Variants in CEP72 observed in about 807,000 individuals in gnomAD.
The protein encoded by CEP72 is centrosomal protein 72, also known as centrosomal protein of 72 kDa.
In CEP72, 78 loss-of-function variants were observed where a neutral mutation model predicts 65.7. That is an observed-to-expected ratio of 1.19 (90% CI 0.99 to 1.43). The LOEUF is 1.43. CEP72 is among the 40% of genes most tolerant of loss of function. The probability of loss-of-function intolerance (pLI) is 0.00; values close to 1 mark genes in which losing one functional copy is unlikely to be tolerated. For synonymous variants in CEP72, 358 were observed against 351.7 expected (o/e 1.02, Z -0.20); for missense variants, 914 against 832.9 (o/e 1.10, Z -1.20).
At chr5:644,055 A>T in intron 9 of CEP72, 1 of 449,242 alleles carries the variant, frequency 2.2e-6, no homozygotes, top group Non-Finnish European at 4.0e-6. Context: ...GGGCTCTCAC[A>T]GGACTGGGGC....
downstream of CEP72, among the ~76,000 whole-genome samples, chr5:658,199 C>T (rs933250177): frequency 6.6e-6 from 1 of 152,268 alleles, no homozygotes; most frequent in African/African-American, 2.4e-5. Flanking sequence ...AGCCACCATG[C>T]TGTCAGGCTG....
At chr5:615,799 A>C (rs1248336342) in intron 1 of CEP72, among the ~76,000 whole-genome samples, 3 of 151,564 alleles carry the variant, frequency 2.0e-5, no homozygotes, top group Admixed American at 2.0e-4. Flanking sequence ...TCTCATTTTG[A>C]TTTATCTGTT....
rs1436294006 is a variant in CEP72 at position 612,574 on chromosome 5, C to A, written c.82+131C>A. ...AGGCGCCGCGGGCGTCCGGAACGGT[C>A]GCGGGCGAGCGGGGCGCGCGTGTCC... is the stretch of plus-strand genomic sequence containing the variant. On this transcript the variant is annotated intron_variant, in intron 1 of 11. Coordinates refer to ENST00000264935, the MANE Select transcript of CEP72 (RefSeq NM_018140.4). 4 of 1,231,078 alleles carry A rather than the reference C, an allele frequency of 3.2e-6. No homozygotes were observed. In the South Asian group the frequency reaches 9.8e-5, roughly 30 times the overall value. 76.3% of individuals were successfully genotyped at this position (1,231,078 alleles called of 1,614,324 possible). A position where few individuals can be genotyped will look rare whatever the true frequency, so the allele number is the denominator to read the frequency against.
At chr5:666,629 C>T (rs1012241241) in intron 4 of CEP72, among the ~76,000 whole-genome samples, 3 of 151,408 alleles carry the variant, frequency 2.0e-5, no homozygotes, top group Admixed American at 6.6e-5. Flanking sequence ...CTCCAAAACC[C>T]GCCAGGCGGC....
At chr5:641,100 G>A (rs1163952576) in intron 9 of CEP72, 2 of 985,332 alleles carry the variant, frequency 2.0e-6, no homozygotes, top group East Asian at 1.1e-4. Flanking sequence ...GCTCAGCCAG[G>A]CTCCCTCCTT....
In CEP72 at chr5:645,208, C is replaced by T. The variant is rs1738333822; in HGVS notation, c.1666+783C>T. 6.6e-6 allele frequency among the ~76,000 whole-genome samples: 1 copy of T among 152,098 alleles called. No homozygotes were observed. Among genetic ancestry groups the T allele is most frequent in the Non-Finnish European group, 1.5e-5 (1 of 68,010 alleles). ...GATGTCTGTCCCAACCAGCGGTGGC[C>T]TTTGCGGCAGGGAGGCAGCTGTGGA... On this transcript the variant is annotated intron_variant, in intron 10 of 11. Coordinates refer to ENST00000264935, the MANE Select transcript of CEP72 (RefSeq NM_018140.4). This position sits in a 1 kb window ranked among gnomAD's most constrained non-coding sequence, Gnocchi z 4.0.
chr5:612,462 G>T lies in CEP72; in HGVS notation c.82+19G>T. 1 of 1,435,092 alleles carries T rather than the reference G, an allele frequency of 7.0e-7. No individual in the cohort carries two copies. The highest frequency in any genetic ancestry group is 9.1e-7 in the Non-Finnish European group (1 of 1,095,096). 88.9% of individuals were successfully genotyped at this position (1,435,092 alleles called of 1,614,324 possible). On this transcript the variant is annotated intron_variant, in intron 1 of 11. Coordinates refer to ENST00000264935, the MANE Select transcript of CEP72 (RefSeq NM_018140.4). ...GACCTGGGTGCGCCGGAGGGCGGGC[G>T]GGGGTGCAAGCGTGAGGTGGCGGGG...
rs1378991066 is a variant in CEP72, at chr5:641,438, C to T, written c.1539+834C>T. The T allele has an allele frequency of 9.1e-6, 9 of 985,346 alleles. No homozygotes were observed. In the South Asian group the frequency reaches 2.3e-4, roughly 26 times the overall value. The allele number at this position is 985,346 out of a possible 1,614,324, so 61.0% of individuals were successfully genotyped here. A position where few individuals can be genotyped will look rare whatever the true frequency, so the allele number is the denominator to read the frequency against. ...GGCCCGGGACGGCTTCGAAAACTGC[C>T]TCTGAACTTGTCTGACAAGTACATA... On this transcript the variant is annotated intron_variant, in intron 9 of 11. Coordinates refer to ENST00000264935, the MANE Select transcript of CEP72 (RefSeq NM_018140.4).
chr5:637,279 C>G (rs1328130142), intron 6 of CEP72, among the ~76,000 whole-genome samples: 1 of 152,230 alleles, frequency 6.6e-6, no homozygotes, highest in Admixed American at 6.5e-5. Context: ...TGCGTGTTAG[C>G]ACGTGTGCCC....
At chr5:663,284 C>A (rs147523972) in intron 1 of CEP72, 1 of 152,422 alleles carries the variant, frequency 6.6e-6, no homozygotes, top group African/African-American at 2.4e-5. Flanking sequence ...GCCTTTCACA[C>A]GCGGTCCAGC....
chr5:646,567 G>A (rs1738437785), intron 10 of CEP72, among the ~76,000 whole-genome samples: 1 of 152,136 alleles, frequency 6.6e-6, no homozygotes, highest in Admixed American at 6.5e-5. Flanking sequence ...CATCCTGGTT[G>A]ACCTTGACCC....
At chr5:646,705 T>C (rs150998358) in intron 10 of CEP72, among the ~76,000 whole-genome samples, 5 of 152,316 alleles carry the variant, frequency 3.3e-5, no homozygotes, top group African/African-American at 1.2e-4. Context: ...CTCACCCTCA[T>C]GGGAGGGGCA....
intron 6 of CEP72, among the ~76,000 whole-genome samples, chr5:636,756 G>T (rs1737626776): frequency 6.8e-6 from 1 of 147,810 alleles, no homozygotes; most frequent in South Asian, 2.1e-4. Context: ...GTTGCAATGA[G>T]CCTAGATGGC....
downstream of CEP72, chr5:661,718 G>A (rs915815115): frequency 1.3e-5 from 2 of 152,364 alleles, no homozygotes; most frequent in Non-Finnish European, 2.9e-5. Context: ...ATGCAATTAC[G>A]GATTCCACAG....
intron 11 of CEP72, among the ~76,000 whole-genome samples, chr5:649,236 T>A (rs1347934567): frequency 1.3e-5 from 1 of 78,688 alleles, no homozygotes; most frequent in Non-Finnish European, 2.4e-5. Flanking sequence ...GACTGTGAGG[T>A]GTGACTGTGA....
At position 633,806 on chromosome 5, in the gene CEP72, G is replaced by A; in HGVS notation, c.550G>A (p.Ala184Thr). 6.2e-7 allele frequency: 1 copy of A among 1,614,116 alleles called. No individual in the cohort carries two copies. The highest frequency in any genetic ancestry group is 8.5e-7 in the Non-Finnish European group (1 of 1,180,040). Reference protein sequence around the residue: ...HPRAKCTEALAKQSLVMDADD... With the variant: ...HPRAKCTEALTKQSLVMDADD... ...CAGAGCCAAGTGCACCGAGGCCTTG[G>A]CCAAGCAGAGCCTGGTCATGGATGC... The change falls in exon 5 of 12, where the codon GCC becomes ACC. Residue 184 changes from alanine (A) to threonine (T), a missense_variant. Transcript: ENST00000264935.
chr5:624,371 C>T lies in CEP72; in HGVS notation c.404-100C>T. 1.3e-6 allele frequency: 1 copy of T among 774,798 alleles called. No individual in the cohort carries two copies. Among genetic ancestry groups the T allele is most frequent in the Non-Finnish European group, 2.2e-6 (1 of 444,840 alleles). 48.0% of individuals were successfully genotyped at this position (774,798 alleles called of 1,614,324 possible). Reference sequence around the variant, plus strand: ...CTAGGTTAGTGGGAGCAGGGCTGGCCCCGAGGGGATGGACACCCTGCCCCG... The same window carrying T: ...CTAGGTTAGTGGGAGCAGGGCTGGCTCCGAGGGGATGGACACCCTGCCCCG... On this transcript the variant is annotated intron_variant, in intron 3 of 11. Coordinates refer to ENST00000264935, the MANE Select transcript of CEP72 (RefSeq NM_018140.4). This position sits in a 1 kb window ranked among gnomAD's most constrained non-coding sequence, Gnocchi z 4.7.
chr5:641,045 C>A (rs190539297), intron 9 of CEP72: 1 of 985,484 alleles, frequency 1.0e-6, no homozygotes, highest in African/African-American at 1.7e-5. Flanking sequence ...AGCTGAAAAC[C>A]TGCATTTATC....
At chr5:627,987 G>A (rs1406239443) in intron 4 of CEP72, among the ~76,000 whole-genome samples, 1 of 152,206 alleles carries the variant, frequency 6.6e-6, no homozygotes, top group Non-Finnish European at 1.5e-5. Flanking sequence ...GCGCGGGCAC[G>A]GAGCGTCACT....
Sources: gnomAD v4.1 joint callset for allele counts (sites outside exome capture counted in the v4.1 genomes callset) on GRCh38, gnomAD v4.1.1 for gene constraint, Gnocchi (gnomAD v3.1) non-coding constraint, MANE v1.5 for transcripts, NCBI Gene and HGNC (gene_info 2026-07-23, HGNC 2026-07-21) for gene names.